The following SYT9 variants were observed in gnomAD, a reference collection of about 807,000 sequenced individuals.
SYT9 encodes synaptotagmin-9.
SYT9 carries 22 observed loss-of-function variants against 48.4 expected under a neutral mutation model. The ratio of observed to expected loss-of-function variants is 0.45; its 90% confidence interval spans 0.32 to 0.65. The LOEUF (loss-of-function observed/expected upper bound fraction) is 0.65. SYT9 is among the 30% of genes least tolerant of loss of function. The pLI, the probability that SYT9 is intolerant of heterozygous loss-of-function variation, is 0.03. For missense variants in SYT9, 577 were observed against 622.0 expected, an observed-to-expected ratio of 0.93 and a Z score of 0.77; for synonymous variants, 265 against 245.0, an observed-to-expected ratio of 1.08 and a Z score of -0.76.
rs1263793401 is a variant in SYT9 at position 7,313,471 on chromosome 11, T to G, written c.574T>G (p.Leu192Val). The change falls in exon 3 of 7, where the codon TTG becomes GTG. Residue 192 changes from leucine to valine, a missense_variant. Coordinates refer to ENST00000318881, the MANE Select transcript of SYT9 (RefSeq NM_175733.4). ...NIQQLQKQEQ[L>V]TGIGRIKPEL... ...CCAGCAGCTTCAAAAACAGGAACAGTTGACTGGAATTGGTAGAATTAAACC... is the reference window on the plus strand; with the variant it reads ...CCAGCAGCTTCAAAAACAGGAACAGGTGACTGGAATTGGTAGAATTAAACC... The G allele has an allele frequency of 6.2e-7, 1 of 1,614,078 alleles. No homozygotes were observed. Among genetic ancestry groups the G allele is most frequent in the Admixed American group, 1.7e-5 (1 of 60,024 alleles).
chr11:7,335,465 C>G (rs533853586), intron 3 of SYT9, among the ~76,000 whole-genome samples: 69 of 152,186 alleles, frequency 4.5e-4, no homozygotes, highest in African/African-American at 1.6e-3. Context: ...TTTCCCTCCT[C>G]CCACCCTCCA....
chr11:7,355,896 G>T (rs1850012631), intron 3 of SYT9, among the ~76,000 whole-genome samples: 1 of 152,180 alleles, frequency 6.6e-6, no homozygotes, highest in African/African-American at 2.4e-5. Context: ...GCTCATTGGT[G>T]GCCCAGTCCC....
At chr11:7,338,659 T>A (rs887873447) in intron 3 of SYT9, among the ~76,000 whole-genome samples, 2 of 151,606 alleles carry the variant, frequency 1.3e-5, no homozygotes, top group South Asian at 4.1e-4. Context: ...TGCATGGTTT[T>A]GGGTGATTTT....
intron 1 of SYT9, among the ~76,000 whole-genome samples, chr11:7,266,316 T>C (rs1217247531): frequency 2.6e-5 from 4 of 152,152 alleles, no homozygotes; most frequent in Non-Finnish European, 5.9e-5. Context: ...ATTACTTTAA[T>C]TTTGAGGGAA....
At chr11:7,353,686 C>T (rs929699754) in intron 3 of SYT9, among the ~76,000 whole-genome samples, 8 of 132,504 alleles carry the variant, frequency 6.0e-5, no homozygotes, top group Admixed American at 4.8e-4. Flanking sequence ...TTCATTAGTT[C>T]GATCCTCTGT....
intron 6 of SYT9, among the ~76,000 whole-genome samples, chr11:7,463,586 T>TC: frequency 6.6e-6 from 1 of 152,306 alleles, no homozygotes; most frequent in Middle Eastern, 3.4e-3. Context: ...CTAGAATAAG[T>TC]TTGTTTTCAA....
rs532330957 is a variant in SYT9 at position 7,453,078 on chromosome 11, G to A, written c.1468-13714G>A. On this transcript the variant is annotated intron_variant, in intron 6 of 6. Coordinates refer to ENST00000318881, the MANE Select transcript of SYT9 (RefSeq NM_175733.4). ...ATTACAGGTGTGAGCCACCGCGCCC[G>A]GCCCTGAAACTCCTTTAAAGAATAA... is the stretch of plus-strand genomic sequence containing the variant. Among the ~76,000 whole-genome samples, 10 of 150,930 alleles carry A rather than the reference G, an allele frequency of 6.6e-5. No individual in the cohort carries two copies. In the East Asian group the frequency reaches 8.3e-4, roughly 12 times the overall value.
At chr11:7,464,295 C>CTTAA (rs781643307) in intron 6 of SYT9, among the ~76,000 whole-genome samples, 1 of 152,154 alleles carries the variant, frequency 6.6e-6, no homozygotes, top group Non-Finnish European at 1.5e-5. Context: ...GACTAGGGTT[C>CTTAA]TTAAAGGAAG....
At chr11:7,281,846 C>T (rs7108897) in intron 1 of SYT9, among the ~76,000 whole-genome samples, 7,676 of 152,200 alleles carry the variant, frequency 0.05, 393 homozygotes, top group African/African-American at 0.14. Flanking sequence ...CGCTGTTATG[C>T]TTGTAAGCAA....
At chr11:7,371,841 C>T (rs757707036) in intron 3 of SYT9, among the ~76,000 whole-genome samples, 5 of 152,082 alleles carry the variant, frequency 3.3e-5, no homozygotes, top group Non-Finnish European at 7.4e-5. Flanking sequence ...GTTCCTTTTT[C>T]GTTGTTAAAT....
chr11:7,301,118 C>T (rs1848911484), intron 1 of SYT9, among the ~76,000 whole-genome samples: 5 of 152,154 alleles, frequency 3.3e-5, no homozygotes, highest in African/African-American at 1.2e-4. Context: ...ATTGATGATG[C>T]CCTTTCTTAT....
intron 3 of SYT9, among the ~76,000 whole-genome samples, chr11:7,343,659 A>G (rs958900630): frequency 6.6e-6 from 1 of 152,182 alleles, no homozygotes; most frequent in African/African-American, 2.4e-5. Flanking sequence ...TCTGCCCGTT[A>G]CCCAGTTCCA....
intron 6 of SYT9, among the ~76,000 whole-genome samples, chr11:7,433,062 G>T (rs769972736): frequency 2.0e-5 from 3 of 152,110 alleles, no homozygotes; most frequent in Admixed American, 1.3e-4. Flanking sequence ...CTCATGGCTT[G>T]GTGCTACCCT....
intron 1 of SYT9, among the ~76,000 whole-genome samples, chr11:7,254,864 G>A (rs1372914929): frequency 6.6e-6 from 1 of 152,206 alleles, no homozygotes; most frequent in East Asian, 1.9e-4. Flanking sequence ...TTTCAGAGGT[G>A]TGGAAAGACT....
intron 1 of SYT9, among the ~76,000 whole-genome samples, chr11:7,268,703 C>T (rs1426093199): frequency 6.6e-6 from 1 of 151,980 alleles, no homozygotes. Flanking sequence ...TCTCTATCTC[C>T]AGTCATTCTC....
At chr11:7,399,443 A>G (rs1007250937) in intron 3 of SYT9, among the ~76,000 whole-genome samples, 1 of 152,242 alleles carries the variant, frequency 6.6e-6, no homozygotes, top group Non-Finnish European at 1.5e-5. Context: ...TCATGATTCA[A>G]TGAAAATTGA....
At chr11:7,299,630 G>A (rs138641791) in intron 1 of SYT9, among the ~76,000 whole-genome samples, 2 of 152,308 alleles carry the variant, frequency 1.3e-5, no homozygotes, top group East Asian at 1.9e-4. Context: ...CAAGGTAGAC[G>A]TAGCAGATAG....
At chr11:7,388,863 C>A (rs1375394827) in intron 3 of SYT9, among the ~76,000 whole-genome samples, 1 of 152,152 alleles carries the variant, frequency 6.6e-6, no homozygotes, top group Non-Finnish European at 1.5e-5. Context: ...TGTTAACTAA[C>A]CTCCTTCCAG....
At chr11:7,245,001 G>A (rs1847776715) in intron 1 of SYT9, among the ~76,000 whole-genome samples, 2 of 152,194 alleles carry the variant, frequency 1.3e-5, no homozygotes, top group South Asian at 4.1e-4. Context: ...TGCAGCACAC[G>A]TAGAAGACAG....
Sources: gnomAD v4.1 joint callset for allele counts (sites outside exome capture counted in the v4.1 genomes callset) on GRCh38, gnomAD v4.1.1 for gene constraint, MANE v1.5 for transcripts, NCBI Gene and HGNC (gene_info 2026-07-23, HGNC 2026-07-21) for gene names.